ATF1: variants seen among roughly 807,000 people sequenced by gnomAD.
The protein encoded by ATF1 is cyclic AMP-dependent transcription factor ATF-1.
A neutral mutation model predicts 34.7 loss-of-function variants in ATF1; 16 were observed. The ratio of observed to expected loss-of-function variants is 0.46; its 90% CI spans 0.31 to 0.70. ATF1 has a LOEUF of 0.70. ATF1 is among the 30% of genes least tolerant of loss of function. ATF1 has a pLI of 0.05. For synonymous variants in ATF1, 105 were observed against 113.1 expected (o/e 0.93, Z 0.46); for missense variants, 255 against 321.6 (o/e 0.79, Z 1.58).
At chr12:50,819,295 A>G (rs567617113) in intron 6 of ATF1, among the ~76,000 whole-genome samples, 1 of 152,356 alleles carries the variant, frequency 6.6e-6, no homozygotes, top group African/African-American at 2.4e-5. Context: ...TACATAGTGT[A>G]TGACACTCTT....
chr12:50,819,797 A>AT lies in ATF1; in HGVS notation c.*23dup. 6.7e-7 allele frequency: 1 copy of AT among 1,495,240 alleles called. No individual in the cohort carries two copies. Among genetic ancestry groups the AT allele is most frequent in the Non-Finnish European group, 9.1e-7 (1 of 1,100,480 alleles). 92.6% of individuals were successfully genotyped at this position (1,495,240 alleles called of 1,614,324 possible). The stretch of plus-strand genomic sequence containing the variant: ...GTGTTTGATTCCTAAGAAAGAAAAT[A>AT]TTTTTGTGGACATGCATAAAAATTA... On this transcript the variant is annotated 3_prime_UTR_variant, in exon 7 of 7. Transcript: ENST00000262053.
In ATF1 at chr12:50,814,251, TA is replaced by T. The variant is rs778557758; in HGVS notation, c.512-27del. The T allele has an allele frequency of 1.2e-5, 19 of 1,613,684 alleles. No individual in the cohort carries two copies. The South Asian group carries it at 1.9e-4, about 16-fold the overall frequency. ...AACACTGTCAGAGACACTTACTAAC[TA>T]ACTCATTCACTCTTGTTTACCATCT... is the stretch of plus-strand genomic sequence containing the variant. On this transcript the variant is annotated intron_variant, in intron 5 of 6. Transcript: ENST00000262053.
rs780719221 is a variant in ATF1, at chr12:50,820,955, AT to A, written c.*1180del. The A allele has an allele frequency of 3.3e-5, 6 of 180,086 alleles. No homozygotes were observed. Among genetic ancestry groups the A allele is most frequent in the Non-Finnish European group, 4.8e-5 (4 of 83,946 alleles). 11.2% of individuals were successfully genotyped at this position (180,086 alleles called of 1,614,324 possible). On this transcript the variant is annotated 3_prime_UTR_variant, in exon 7 of 7. Coordinates refer to ENST00000262053, the MANE Select transcript of ATF1 (RefSeq NM_005171.5). ...AGATTGGCTAATATTTGCATTGTAA[AT>A]TTTGTATGCAGTTTATCTAAAATTC...
chr12:50,810,804 T>C (rs1193527108), intron 4 of ATF1, among the ~76,000 whole-genome samples: 1 of 152,160 alleles, frequency 6.6e-6, no homozygotes, highest in Admixed American at 6.5e-5. Flanking sequence ...TAGGCTCTCA[T>C]CTTAATTACT....
chr12:50,767,131 A>T (rs1281869537), intron 1 of ATF1, among the ~76,000 whole-genome samples: 1 of 152,172 alleles, frequency 6.6e-6, no homozygotes, highest in African/African-American at 2.4e-5. Context: ...GGGAACCCAG[A>T]AGCCTGGGAT....
chr12:50,811,195 A>G (rs1941729430), intron 4 of ATF1, among the ~76,000 whole-genome samples: 1 of 151,788 alleles, frequency 6.6e-6, no homozygotes, highest in African/African-American at 2.4e-5. Context: ...CAAAGAGACC[A>G]CTCTCTTCAA....
At chr12:50,808,293 C>T (rs1941658655) in intron 3 of ATF1, among the ~76,000 whole-genome samples, 1 of 151,976 alleles carries the variant, frequency 6.6e-6, no homozygotes, top group South Asian at 2.1e-4. Context: ...TTCTTACCTA[C>T]TTCGTTTGGA....
rs1323899202 is a variant in ATF1 at position 50,820,470 on chromosome 12, A to ACTT, written c.*692_*694dup. 2 of 182,500 alleles carry ACTT rather than the reference A, an allele frequency of 1.1e-5. No homozygotes were observed. The highest frequency in any genetic ancestry group is 4.7e-5 in the African/African-American group (2 of 42,518). The allele number at this position is 182,500 out of a possible 1,614,324, so 11.3% of individuals were successfully genotyped here. ...AAAAAGAACTGTTTAAAAGTTTGAT[A>ACTT]CTTTTAAATAGTTGGTTTTTTTGCT... On this transcript the variant is annotated 3_prime_UTR_variant, in exon 7 of 7. Coordinates refer to ENST00000262053, the MANE Select transcript of ATF1 (RefSeq NM_005171.5).
intron 2 of ATF1, among the ~76,000 whole-genome samples, chr12:50,784,057 G>T (rs1256742396): frequency 5.3e-5 from 8 of 151,978 alleles, no homozygotes. Flanking sequence ...CAACTACTCA[G>T]GAGGCAGAAG....
chr12:50,810,491 G>A (rs1039392487), intron 4 of ATF1, among the ~76,000 whole-genome samples: 3 of 152,146 alleles, frequency 2.0e-5, no homozygotes, highest in African/African-American at 7.2e-5. Context: ...AAAGTGCTGG[G>A]ATTACAGGCG....
intron 1 of ATF1, among the ~76,000 whole-genome samples, chr12:50,770,720 C>A (rs1232284016): frequency 1.3e-5 from 2 of 152,166 alleles, no homozygotes; most frequent in East Asian, 3.8e-4. Context: ...AACTATGGTA[C>A]ACTTGTTATT....
chr12:50,774,126 G>T (rs538013730), intron 1 of ATF1, among the ~76,000 whole-genome samples: 1 of 151,940 alleles, frequency 6.6e-6, no homozygotes, highest in Admixed American at 6.6e-5. Context: ...TTGCTTCCTG[G>T]GTTCAAGCAA....
In ATF1 at chr12:50,795,928, G is replaced by T. The variant is rs774197918; in HGVS notation, c.113G>T (p.Ser38Ile). ...IAQQVSSLSE[S>I]EESQDSSDSI... ...TTTTAGGTATCATCTTTATCAGAAA[G>T]TGAGGAGTCCCAGGACTCATCCGAC... Residue 38 changes from serine (S) to isoleucine (I), a missense_variant, in exon 3 of 7, where the codon AGT becomes ATT. Ser to Ile is a moderately radical substitution (Grantham distance 142). Transcript: ENST00000262053. 1.1e-5 allele frequency: 17 copies of T among 1,612,640 alleles called. No individual in the cohort carries two copies. Among genetic ancestry groups the T allele is most frequent in the Non-Finnish European group, 1.4e-5 (17 of 1,179,502 alleles).
In ATF1 at chr12:50,809,351, G is replaced by A. The variant is rs868059528; in HGVS notation, c.195-105G>A. 59 of 1,042,466 alleles carry A rather than the reference G, an allele frequency of 5.7e-5. No individual in the cohort carries two copies. The Middle Eastern group carries it at 2.0e-3, about 35-fold the overall frequency. The allele number at this position is 1,042,466 out of a possible 1,614,324, so 64.6% of individuals were successfully genotyped here. A position where few individuals can be genotyped will look rare whatever the true frequency, so the allele number is the denominator to read the frequency against. On this transcript the variant is annotated intron_variant, in intron 3 of 6. Coordinates refer to ENST00000262053, the MANE Select transcript of ATF1 (RefSeq NM_005171.5). ...ATGGCGCCACTGTACTCCAGCCTGG[G>A]TGACAAAGCAAGATCTTGTCTCAAA...
At chr12:50,778,710 C>G (rs1945333587) in intron 1 of ATF1, among the ~76,000 whole-genome samples, 1 of 152,114 alleles carries the variant, frequency 6.6e-6, no homozygotes, top group South Asian at 2.1e-4. Flanking sequence ...GCCTTAGCCT[C>G]CCAAGTAGCT....
chr12:50,815,857 G>C (rs1283863687), intron 6 of ATF1, among the ~76,000 whole-genome samples: 1 of 152,188 alleles, frequency 6.6e-6, no homozygotes, highest in Non-Finnish European at 1.5e-5. Context: ...ATAGCTAATA[G>C]AATCAACTAT....
At position 50,819,754 on chromosome 12, in the gene ATF1, A is replaced by C. The variant is rs755495655; in HGVS notation, c.791A>C (p.Asp264Ala). 1.3e-6 allele frequency: 2 copies of C among 1,569,306 alleles called. No individual in the cohort carries two copies. The highest frequency in any genetic ancestry group is 8.7e-7 in the Non-Finnish European group (1 of 1,153,068). The stretch of plus-strand genomic sequence containing the variant: ...ATAGAAGAGTTAAAAACTTTGAAGG[A>C]TCTTTATTCCAATAAAAGTGTTTGA... ...TLIEELKTLKDLYSNKSV is the reference protein window; with the variant it reads ...TLIEELKTLKALYSNKSV The change falls in exon 7 of 7, where the codon GAT (aspartate) becomes GCT (alanine). Residue 264 changes from aspartate to alanine, a missense_variant. This residue lies in a region of ATF1 where 34 missense variants were observed against 70.8 expected (regional missense o/e 0.48). Coordinates refer to ENST00000262053, the MANE Select transcript of ATF1 (RefSeq NM_005171.5).
chr12:50,814,649 C>T (rs1164119821), intron 6 of ATF1, among the ~76,000 whole-genome samples: 3 of 152,120 alleles, frequency 2.0e-5, no homozygotes, highest in African/African-American at 7.2e-5. Flanking sequence ...ACATTACTCA[C>T]GTTTGTGGCA....
At chr12:50,788,367 G>A (rs532222839) in intron 2 of ATF1, 5 of 360,804 alleles carry the variant, frequency 1.4e-5, no homozygotes, top group Admixed American at 3.7e-5. Flanking sequence ...GTATTTTTTT[G>A]TAGAGATGGG....
Sources: gnomAD v4.1 joint callset for allele counts (sites outside exome capture counted in the v4.1 genomes callset) on GRCh38, gnomAD v4.1.1 for gene constraint, gnomAD v4.1.1 regional missense constraint, MANE v1.5 for transcripts, NCBI Gene and HGNC (gene_info 2026-07-23, HGNC 2026-07-21) for gene names.